WDR97: variants seen among roughly 807,000 people sequenced by gnomAD.
WDR97 encodes WD repeat-containing protein 97.
Under a neutral mutation model 65.4 loss-of-function variants are expected in WDR97, and 111 were observed. The observed-to-expected ratio is 1.70, with a 90% CI of 1.45 to 1.99. The LOEUF (loss-of-function observed/expected upper bound fraction) is 1.99. Ranked by LOEUF, WDR97 falls within the 30% of genes most tolerant of loss-of-function variation. WDR97 has a pLI of 0.00. For missense variants in WDR97, 1,674 were observed against 865.0 expected (o/e 1.94, Z -11.73); for synonymous variants, 802 against 397.7 (o/e 2.02, Z -12.10).
Position 144,112,320 on chromosome 8 carries a change from G to C in WDR97, c.2992G>C (p.Asp998His). The change falls in exon 14 of 24, where the codon GAC becomes CAC. Residue 998 changes from aspartate to histidine, a missense_variant. Transcript: ENST00000323662. ...QLRGRTTMAL[D>H]LPSSHLQCRI... ...CCGAGGGAGGACGACCATGGCCCTG[G>C]ACCTGCCATCCTCCCACTTGCAGTG... is the stretch of plus-strand genomic sequence containing the variant. The C allele has an allele frequency of 1.4e-6, 1 of 702,746 alleles. No homozygotes were observed. Among genetic ancestry groups the C allele is most frequent in the Non-Finnish European group, 2.6e-6 (1 of 384,948 alleles). 43.5% of individuals were successfully genotyped at this position (702,746 alleles called of 1,614,324 possible).
In WDR97 at chr8:144,108,817, C is replaced by G. The variant is rs552234260; in HGVS notation, c.751C>G (p.Arg251Gly). Residue 251 changes from arginine to glycine, a missense_variant, in exon 3 of 24, where the codon CGT (arginine) becomes GGT (glycine). By Grantham distance (125) the Arg-to-Gly change is moderately radical. Transcript: ENST00000323662. ...CCCGAGCCCAACAGGCAGGCTCATG[C>G]GTCTGGCTGTGGCGCCGGTTCCTCC... ...PPPSPTGRLM[R>G]LAVAPVPPHH... is the part of the protein sequence containing the mutation. 8 of 702,670 alleles carry G rather than the reference C, an allele frequency of 1.1e-5. No homozygotes were observed. The highest frequency in any genetic ancestry group is 8.7e-5 in the African/African-American group (5 of 57,272). The allele number at this position is 702,670 out of a possible 1,614,324, so 43.5% of individuals were successfully genotyped here. A position where few individuals can be genotyped will look rare whatever the true frequency, so the allele number is the denominator to read the frequency against.
In WDR97 at chr8:144,115,497, T is replaced by G. The variant is rs766594171; in HGVS notation, c.4234T>G (p.Leu1412Val). Residue 1412 changes from leucine to valine, a missense_variant, in exon 22 of 24, where the codon TTA (leucine) becomes GTA (valine). Leu to Val is a conservative substitution (Grantham distance 32). Transcript: ENST00000323662. ...GGTCTCACCTGCGGAGCCGCACTCT[T>G]TAGCCCCGGAGCTCCAGGCCCAGCG... ...MVVSPAEPHSLAPELQAQRML... is the reference protein window; with the variant it reads ...MVVSPAEPHSVAPELQAQRML... The G allele has an allele frequency of 1.6e-5, 11 of 696,946 alleles. No homozygotes were observed. The highest frequency in any genetic ancestry group is 2.9e-5 in the Non-Finnish European group (11 of 381,700). The allele number at this position is 696,946 out of a possible 1,614,324, so 43.2% of individuals were successfully genotyped here. A position where few individuals can be genotyped will look rare whatever the true frequency, so the allele number is the denominator to read the frequency against.
chr8:144,114,699 C>T, intron 20 of WDR97, 24 bp downstream of exon 20: 1 of 702,684 alleles, frequency 1.4e-6, no homozygotes, highest in Non-Finnish European at 2.6e-6. Context: ...CTGCCCAGCC[C>T]TCCCTGCCAC....
rs924085297 is a variant in WDR97, at chr8:144,117,966, G to A, written c.*1673G>A. On this transcript the variant is annotated 3_prime_UTR_variant, in exon 24 of 24. Transcript: ENST00000323662. ...AAAGGCAGGGGAAAGTCCTGCCTTG[G>A]GGAGAAAAAGGAGGGTGGGAAAAGG... The A allele has an allele frequency of 7.2e-5, 11 of 152,168 alleles. No homozygotes were observed. The highest frequency in any genetic ancestry group is 2.7e-4 in the African/African-American group (11 of 41,416). 9.4% of individuals were successfully genotyped at this position (152,168 alleles called of 1,614,324 possible).
rs758451572 is a variant in WDR97 at position 144,114,944 on chromosome 8, A to G, written c.4077+33A>G. The G allele has an allele frequency of 4.5e-5, 30 of 660,898 alleles. No individual in the cohort carries two copies. The African/African-American group carries it at 5.1e-4, about 11-fold the overall frequency. 40.9% of individuals were successfully genotyped at this position (660,898 alleles called of 1,614,324 possible). Reference sequence around the variant, plus strand: ...CGGCAGGGGCCGGGGGGGCCTTGGGAACCCTGTTGCCTTCTCTGGCTTTCT... The same window carrying G: ...CGGCAGGGGCCGGGGGGGCCTTGGGGACCCTGTTGCCTTCTCTGGCTTTCT... On this transcript the variant is annotated intron_variant, in intron 21 of 23. Coordinates refer to ENST00000323662, the MANE Select transcript of WDR97 (RefSeq NM_001316309.2).
chr8:144,115,548 G>A lies in WDR97; in HGVS notation c.4285G>A (p.Gly1429Arg). The A allele has an allele frequency of 1.4e-6, 1 of 697,270 alleles. No individual in the cohort carries two copies. Among genetic ancestry groups the A allele is most frequent in the South Asian group, 1.5e-5 (1 of 67,320 alleles). The allele number at this position is 697,270 out of a possible 1,614,324, so 43.2% of individuals were successfully genotyped here. ...QRMLAPKRSW[G>R]TPQLRLRVLS... ...GATGCTGGCACCCAAGCGCAGCTGG[G>A]GGACCCCTCAGCTCCGTCTCAGAGT... Residue 1429 changes from glycine to arginine, a missense_variant, in exon 22 of 24, where the codon GGG becomes AGG. Coordinates refer to ENST00000323662, the MANE Select transcript of WDR97 (RefSeq NM_001316309.2).
At chr8:144,111,335 C>T (rs1431192160) in intron 10 of WDR97, 91 bp from the exon 11 acceptor site, 3 of 702,758 alleles carry the variant, frequency 4.3e-6, no homozygotes, top group South Asian at 1.5e-5. Flanking sequence ...AGCCCTGGCA[C>T]ACCCGTTTGG....
At chr8:144,108,001 C>A in intron 1 of WDR97, 58 bp from the exon 2 acceptor site, 1 of 702,226 alleles carries the variant, frequency 1.4e-6, no homozygotes, top group Non-Finnish European at 2.6e-6. Context: ...CTCCCCATAA[C>A]CGTCAGGGTC....
In WDR97 at chr8:144,115,788, C is replaced by G. The variant is rs1836641389; in HGVS notation, c.4525C>G (p.Pro1509Ala). The change falls in exon 22 of 24, where the codon CCA (proline) becomes GCA (alanine). Residue 1509 changes from proline to alanine, a missense_variant. Transcript: ENST00000323662. ...TTCGCTCCAGGAGAAGGCTGCGCAC[C>G]CACACCCGCCAGAGCCCTACACGGT... ...RSSLQEKAAH[P>A]HPPEPYTVAP... 2.9e-6 allele frequency: 2 copies of G among 687,324 alleles called. No individual in the cohort carries two copies. Among genetic ancestry groups the G allele is most frequent in the Non-Finnish European group, 5.3e-6 (2 of 377,014 alleles). 42.6% of individuals were successfully genotyped at this position (687,324 alleles called of 1,614,324 possible). A position where few individuals can be genotyped will look rare whatever the true frequency, so the allele number is the denominator to read the frequency against.
rs1036061009 is a variant in WDR97 at position 144,111,084 on chromosome 8, C to T, written c.2305-17C>T. 1.7e-5 allele frequency: 12 copies of T among 702,740 alleles called. No homozygotes were observed. Among genetic ancestry groups the T allele is most frequent in the East Asian group, 2.7e-5 (1 of 37,292 alleles). The allele number at this position is 702,740 out of a possible 1,614,324, so 43.5% of individuals were successfully genotyped here. On this transcript the variant is annotated splice_polypyrimidine_tract_variant and intron_variant, in intron 9 of 23. Coordinates refer to ENST00000323662, the MANE Select transcript of WDR97 (RefSeq NM_001316309.2). Reference sequence around the variant, plus strand: ...AGGTTCCCCCAGCCAGGGATACAGGCTCCTTCCCCTATTCAGAAGATGTGC... The same window carrying T: ...AGGTTCCCCCAGCCAGGGATACAGGTTCCTTCCCCTATTCAGAAGATGTGC...
rs1378668035 is a variant in WDR97, at chr8:144,109,158, G to A, written c.988G>A (p.Val330Met). Residue 330 changes from valine to methionine, a missense_variant, in exon 4 of 24, where the codon GTG becomes ATG. By Grantham distance (21) the Val-to-Met change is conservative. Transcript: ENST00000323662. ...TGACTGGCAGATCCGGATGGTGTTC[G>A]TGGGCCACACAGGTGCTCTGAGTTC... ...EADWQIRMVF[V>M]GHTGPVTAMT... The A allele has an allele frequency of 1.4e-6, 1 of 702,922 alleles. No individual in the cohort carries two copies. Among genetic ancestry groups the A allele is most frequent in the Admixed American group, 2.0e-5 (1 of 50,022 alleles). 43.5% of individuals were successfully genotyped at this position (702,922 alleles called of 1,614,324 possible). A position where few individuals can be genotyped will look rare whatever the true frequency, so the allele number is the denominator to read the frequency against.
At position 144,115,325 on chromosome 8, in the gene WDR97, T is replaced by C; in HGVS notation, c.4078-16T>C. 1 of 592,754 alleles carries C rather than the reference T, an allele frequency of 1.7e-6. No homozygotes were observed. The highest frequency in any genetic ancestry group is 3.0e-6 in the Non-Finnish European group (1 of 331,496). The allele number at this position is 592,754 out of a possible 1,614,324, so 36.7% of individuals were successfully genotyped here. A position where few individuals can be genotyped will look rare whatever the true frequency, so the allele number is the denominator to read the frequency against. ...CCAAGGTCTCTAAGACCTTAGCACT[T>C]TCCTCTCCTCCCAAGGAGACCCCAT... is the stretch of plus-strand genomic sequence containing the variant. On this transcript the variant is annotated splice_polypyrimidine_tract_variant and intron_variant, in intron 21 of 23. Coordinates refer to ENST00000323662, the MANE Select transcript of WDR97 (RefSeq NM_001316309.2).
chr8:144,115,699 T>G lies in WDR97; in HGVS notation c.4436T>G (p.Leu1479Arg). 1.4e-6 allele frequency: 1 copy of G among 701,166 alleles called. No homozygotes were observed. The highest frequency in any genetic ancestry group is 2.6e-6 in the Non-Finnish European group (1 of 384,256). 43.4% of individuals were successfully genotyped at this position (701,166 alleles called of 1,614,324 possible). The change falls in exon 22 of 24, where the codon CTG becomes CGG. Residue 1479 changes from leucine to arginine, a missense_variant. By Grantham distance (102) the Leu-to-Arg change is moderately radical (BLOSUM62 -2). Coordinates refer to ENST00000323662, the MANE Select transcript of WDR97 (RefSeq NM_001316309.2). ...ACCGACTGGTCGCACTCGCAGCTGC[T>G]GGACTTGGGCCCCATCGACGCGCTC... ...EETDWSHSQL[L>R]DLGPIDALNF... is the part of the protein sequence containing the mutation.
At position 144,110,135 on chromosome 8, in the gene WDR97, C is replaced by T; in HGVS notation, c.1722C>T (p.His574=). Residue 574 remains histidine (H), a synonymous_variant, in exon 6 of 24, where the codon CAC becomes CAT. Transcript: ENST00000323662. ...NKNRYLPVVG[H]TDGTLSVLEW... ...GCAGGTACCTGCCAGTGGTGGGGCACACGGACGGCACGCTGTCGGTGCTGG... is the reference window on the plus strand; with the variant it reads ...GCAGGTACCTGCCAGTGGTGGGGCATACGGACGGCACGCTGTCGGTGCTGG... 2 of 702,760 alleles carry T rather than the reference C, an allele frequency of 2.8e-6. No homozygotes were observed. Among genetic ancestry groups the T allele is most frequent in the South Asian group, 3.0e-5 (2 of 67,600 alleles). 43.5% of individuals were successfully genotyped at this position (702,760 alleles called of 1,614,324 possible).
In WDR97 at chr8:144,114,621, G is replaced by A. The variant is rs896808411; in HGVS notation, c.3860G>A (p.Arg1287Gln). Reference sequence around the variant, plus strand: ...CTCCTGGCCTGCTCCCTGGAGTCCCGGGATGTGGTGCTGGAGCTCATGTCC... The same window carrying A: ...CTCCTGGCCTGCTCCCTGGAGTCCCAGGATGTGGTGCTGGAGCTCATGTCC... ...QLLLACSLES[R>Q]DVVLELMSYF... The change falls in exon 20 of 24, where the codon CGG (arginine) becomes CAG (glutamine). Residue 1287 changes from arginine to glutamine, a missense_variant. By Grantham distance (43) the Arg-to-Gln change is conservative. Coordinates refer to ENST00000323662, the MANE Select transcript of WDR97 (RefSeq NM_001316309.2). The A allele has an allele frequency of 1.3e-5, 9 of 702,734 alleles. No homozygotes were observed. Among genetic ancestry groups the A allele is most frequent in the East Asian group, 5.4e-5 (2 of 37,306 alleles). The allele number at this position is 702,734 out of a possible 1,614,324, so 43.5% of individuals were successfully genotyped here. A position where few individuals can be genotyped will look rare whatever the true frequency, so the allele number is the denominator to read the frequency against.
chr8:144,113,780 G>T lies in WDR97; in HGVS notation c.3307G>T (p.Glu1103Ter). The T allele has an allele frequency of 1.4e-6, 1 of 702,910 alleles. No individual in the cohort carries two copies. The allele number at this position is 702,910 out of a possible 1,614,324, so 43.5% of individuals were successfully genotyped here. ...PGEEGEEDKK[E>*]EEEEKEDEEL... ...GGAGGAGGGGGAGGAAGACAAGAAG[G>T]AAGAGGAGGAGGAGAAGGAAGACGA... Residue 1103 changes from glutamate (E) to a stop codon, truncating the protein, a stop_gained, in exon 17 of 24, where the codon GAA becomes TAA. Transcript: ENST00000323662. LOFTEE classifies it high-confidence loss of function.
In WDR97 at chr8:144,115,421, C is replaced by T. The variant is rs149661122; in HGVS notation, c.4158C>T (p.Ala1386=). 2.9e-3 allele frequency: 1,990 copies of T among 680,008 alleles called. 32 individuals are homozygous for T. In the African/African-American group the frequency reaches 0.031, roughly 11 times the overall value. 42.1% of individuals were successfully genotyped at this position (680,008 alleles called of 1,614,324 possible). Residue 1386 remains alanine (A), a synonymous_variant, in exon 22 of 24, where the codon GCC becomes GCT. Coordinates refer to ENST00000323662, the MANE Select transcript of WDR97 (RefSeq NM_001316309.2). The part of the protein sequence containing the change: ...SVIPSGTSWS[A]SGIFGRLSQV... ...TACCCTCGGGCACCTCCTGGTCGGC[C>T]TCCGGCATCTTCGGGAGGCTCTCGC... is the stretch of plus-strand genomic sequence containing the variant.
chr8:144,113,643 T>C lies in WDR97; in HGVS notation c.3184-14T>C. 1.5e-6 allele frequency: 1 copy of C among 652,990 alleles called. No individual in the cohort carries two copies. Among genetic ancestry groups the C allele is most frequent in the Non-Finnish European group, 2.8e-6 (1 of 356,326 alleles). 40.4% of individuals were successfully genotyped at this position (652,990 alleles called of 1,614,324 possible). ...CTTGCAACCCATCAGGCACCATCTCTTGCCCCTCTGCAGCCAGGGGCAAGC... is the reference window on the plus strand; with the variant it reads ...CTTGCAACCCATCAGGCACCATCTCCTGCCCCTCTGCAGCCAGGGGCAAGC... On this transcript the variant is annotated splice_polypyrimidine_tract_variant and intron_variant, in intron 16 of 23. Transcript: ENST00000323662.
chr8:144,116,555 A>C lies in WDR97; in HGVS notation c.*262A>C. 4 of 426,186 alleles carry C rather than the reference A, an allele frequency of 9.4e-6. No individual in the cohort carries two copies. The highest frequency in any genetic ancestry group is 1.7e-5 in the Non-Finnish European group (4 of 241,144). 26.4% of individuals were successfully genotyped at this position (426,186 alleles called of 1,614,324 possible). A position where few individuals can be genotyped will look rare whatever the true frequency, so the allele number is the denominator to read the frequency against. On this transcript the variant is annotated 3_prime_UTR_variant, in exon 24 of 24. Coordinates refer to ENST00000323662, the MANE Select transcript of WDR97 (RefSeq NM_001316309.2). ...GGCCGGCCTAGGGCAGAGGAGACCC[A>C]TAGCGGGGTACCATCCGCTGGGCAC... is the stretch of plus-strand genomic sequence containing the variant.
Sources: allele counts gnomAD v4.1 joint callset, GRCh38; gene constraint gnomAD v4.1.1; transcripts MANE v1.5; gene names NCBI Gene and HGNC (gene_info 2026-07-23, HGNC 2026-07-21).